The following CEP63 variants were observed in gnomAD, a reference collection of about 807,000 sequenced individuals.
CEP63 encodes the protein centrosomal protein of 63 kDa.
CEP63 carries 84 observed loss-of-function variants against 89.1 expected under a neutral mutation model. That is an observed-to-expected ratio of 0.94 (90% CI 0.79 to 1.13). The LOEUF (loss-of-function observed/expected upper bound fraction) is 1.13, where lower values mean the gene tolerates loss of function less well. Among genes scored for constraint, CEP63 ranks in the 50% most tolerant of loss-of-function variants. The pLI is 0.00. For synonymous variants in CEP63, 267 were observed against 272.5 expected, an observed-to-expected ratio of 0.98 and a Z score of 0.20; for missense variants, 838 against 813.3, an observed-to-expected ratio of 1.03 and a Z score of -0.37.
chr3:134,695,763 G>C, the CEP63 span, among the ~76,000 whole-genome samples: 1 of 152,242 alleles, frequency 6.6e-6, no homozygotes, highest in Non-Finnish European at 1.5e-5. Context: ...GAGCACTGGA[G>C]GTAGGGCCAA....
rs965023408 is a variant in CEP63 at position 134,562,828 on chromosome 3, A to G, written c.*1293A>G. 1 of 152,256 alleles carries G rather than the reference A, an allele frequency of 6.6e-6. No homozygotes were observed. The highest frequency in any genetic ancestry group is 2.4e-5 in the African/African-American group (1 of 41,326). The allele number at this position is 152,256 out of a possible 1,614,324, so 9.4% of individuals were successfully genotyped here. A position where few individuals can be genotyped will look rare whatever the true frequency, so the allele number is the denominator to read the frequency against. ...TCCTCTCTACCTCATCCTCCACTCC[A>G]TCTCATGGCTTTTCCTCTTCTAACC... On this transcript the variant is annotated 3_prime_UTR_variant, in exon 15 of 15. Coordinates refer to ENST00000675561, the MANE Select transcript of CEP63 (RefSeq NM_001353108.3).
chr3:134,502,502 GT>G (rs1215691742), intron 2 of CEP63, among the ~76,000 whole-genome samples: 2 of 152,006 alleles, frequency 1.3e-5, no homozygotes, highest in Non-Finnish European at 2.9e-5. Context: ...TTTATAACTC[GT>G]TATTAATCTA....
chr3:134,652,118 C>A, the CEP63 span, among the ~76,000 whole-genome samples: 3 of 152,144 alleles, frequency 2.0e-5, no homozygotes, highest in African/African-American at 7.2e-5. Context: ...CCATCACTTC[C>A]TGGCTGTGTG....
Position 134,552,295 on chromosome 3 carries a change from C to G in CEP63, c.1467+283C>G, listed in dbSNP as rs35933983. 0.32 allele frequency: 67,046 copies of G among 212,238 alleles called. 11,026 individuals are homozygous for G. The highest frequency in any genetic ancestry group is 0.34 in the African/African-American group (14,675 of 42,862). 13.1% of individuals were successfully genotyped at this position (212,238 alleles called of 1,614,324 possible). A position where few individuals can be genotyped will look rare whatever the true frequency, so the allele number is the denominator to read the frequency against. On this transcript the variant is annotated intron_variant, in intron 12 of 14. Transcript: ENST00000675561. ...CTTGGCTCACCGCAGCCTCCACCTC[C>G]CGGGTTCAAATGATGCTCCTGCCTC...
chr3:134,577,001 G>A (rs4955485), downstream of CEP63, among the ~76,000 whole-genome samples: 97,687 of 152,084 alleles, frequency 0.64, 31,929 homozygotes, highest in East Asian at 0.81. Flanking sequence ...AGTAAAGTTT[G>A]TAACCTCTGC....
the CEP63 span, among the ~76,000 whole-genome samples, chr3:134,638,477 G>A: frequency 1.0e-3 from 153 of 152,206 alleles, no homozygotes; most frequent in African/African-American, 3.6e-3. Context: ...AGGCTGCCTG[G>A]CTGGCCTCTC....
the CEP63 span, among the ~76,000 whole-genome samples, chr3:134,777,454 C>T: frequency 2.6e-5 from 4 of 151,948 alleles, no homozygotes; most frequent in Admixed American, 2.6e-4. Context: ...CCTCATTTTT[C>T]AGAGGGGTCT....
At chr3:134,647,576 A>G in the CEP63 span, 10 of 805,994 alleles carry the variant, frequency 1.2e-5, no homozygotes, top group South Asian at 1.6e-4. Context: ...TATCTAGGTT[A>G]TGGTAGAGCA....
intron 3 of CEP63, among the ~76,000 whole-genome samples, chr3:134,525,098 G>C (rs1486102535): frequency 1.3e-5 from 2 of 152,076 alleles, no homozygotes; most frequent in African/African-American, 4.8e-5. Flanking sequence ...TTTCTTCCTG[G>C]TTCAGTCTTC....
the CEP63 span, among the ~76,000 whole-genome samples, chr3:134,728,534 A>T: frequency 6.6e-6 from 1 of 152,224 alleles, no homozygotes; most frequent in African/African-American, 2.4e-5. Flanking sequence ...TTAAACAGTC[A>T]CTGATCAAGA....
intron 11 of CEP63, among the ~76,000 whole-genome samples, chr3:134,573,327 G>C (rs1413923917): frequency 1.3e-5 from 2 of 152,080 alleles, no homozygotes; most frequent in Non-Finnish European, 1.5e-5. Context: ...TTTTTGCCTA[G>C]GCTGATGTCC....
At chr3:134,593,480 G>C in the CEP63 span, among the ~76,000 whole-genome samples, 2 of 152,126 alleles carry the variant, frequency 1.3e-5, no homozygotes, top group African/African-American at 2.4e-5. Context: ...CAGAACTGGG[G>C]TTAGGAATCA....
At chr3:134,590,198 A>C (rs1361106247), downstream of CEP63, among the ~76,000 whole-genome samples, 2 of 152,160 alleles carry the variant, frequency 1.3e-5, no homozygotes, top group African/African-American at 4.8e-5. Flanking sequence ...CACTCAATTT[A>C]CCTACATAAA....
At chr3:134,711,173 T>C in the CEP63 span, among the ~76,000 whole-genome samples, 1 of 152,248 alleles carries the variant, frequency 6.6e-6, no homozygotes, top group East Asian at 1.9e-4. Flanking sequence ...TAAATATAAT[T>C]GACAACTAAA....
chr3:134,672,354 G>A, the CEP63 span, among the ~76,000 whole-genome samples: 3 of 152,172 alleles, frequency 2.0e-5, no homozygotes, highest in African/African-American at 7.2e-5. Context: ...ACTGGTTATT[G>A]TGACCATTGT....
chr3:134,781,985 G>A, the CEP63 span, among the ~76,000 whole-genome samples: 3 of 152,158 alleles, frequency 2.0e-5, no homozygotes, highest in Non-Finnish European at 4.4e-5. Flanking sequence ...AAGAGAATGC[G>A]TCCGATGTTT....
At chr3:134,544,934 G>A (rs918279542) in intron 6 of CEP63, among the ~76,000 whole-genome samples, 1 of 151,986 alleles carries the variant, frequency 6.6e-6, no homozygotes, top group Non-Finnish European at 1.5e-5. Flanking sequence ...TGCAACTTCC[G>A]CTTCCTGGGT....
chr3:134,636,057 T>A, the CEP63 span, among the ~76,000 whole-genome samples: 1 of 152,242 alleles, frequency 6.6e-6, no homozygotes, highest in African/African-American at 2.4e-5. Context: ...TTTACAGTTT[T>A]GCTATTAGAA....
the CEP63 span, among the ~76,000 whole-genome samples, chr3:134,621,138 C>T: frequency 6.6e-6 from 1 of 152,196 alleles, no homozygotes; most frequent in Non-Finnish European, 1.5e-5. Context: ...GCTGTAGCAG[C>T]CCCTGGTCGT....
Sources: allele counts gnomAD v4.1 joint callset (sites outside exome capture counted in the v4.1 genomes callset), GRCh38; gene constraint gnomAD v4.1.1; transcripts MANE v1.5; gene names NCBI Gene and HGNC (gene_info 2026-07-23, HGNC 2026-07-21).